The following PDE4B variants were observed in gnomAD, a reference collection of about 807,000 sequenced individuals.
PDE4B encodes the protein 3',5'-cyclic-AMP phosphodiesterase 4B.
A neutral mutation model predicts 82.2 loss-of-function variants in PDE4B; 20 were observed. The observed-to-expected ratio is 0.24, with a 90% CI of 0.17 to 0.35. PDE4B has a LOEUF of 0.35. Among genes scored for constraint, PDE4B ranks in the 10% least tolerant of loss-of-function variants. The pLI is 1.00. For missense variants in PDE4B, 655 were observed against 907.2 expected (o/e 0.72, Z 3.57); for synonymous variants, 320 against 318.9 (o/e 1.00, Z -0.04).
intron 3 of PDE4B, among the ~76,000 whole-genome samples, chr1:65,930,156 G>T (rs1029817312): frequency 1.7e-4 from 26 of 152,132 alleles, no homozygotes; most frequent in African/African-American, 5.6e-4. Context: ...GATATAGGCT[G>T]GGAGACTAGG....
At chr1:66,270,575 A>G in intron 7 of PDE4B, among the ~76,000 whole-genome samples, 1 of 152,212 alleles carries the variant, frequency 6.6e-6, no homozygotes. Flanking sequence ...CTCTCTGAGA[A>G]CCACAGCAAT....
At chr1:66,096,049 C>G (rs1645107312) in intron 3 of PDE4B, among the ~76,000 whole-genome samples, 1 of 151,712 alleles carries the variant, frequency 6.6e-6, no homozygotes, top group Admixed American at 6.6e-5. Flanking sequence ...CTCCTTCTAG[C>G]TATTTGAAAC....
chr1:66,211,037 A>G (rs1650006151), intron 3 of PDE4B, among the ~76,000 whole-genome samples: 1 of 152,218 alleles, frequency 6.6e-6, no homozygotes, highest in South Asian at 2.1e-4. Flanking sequence ...TAATTATGAC[A>G]TCAGGGCTTG....
At chr1:65,975,417 G>T (rs1650354610) in intron 3 of PDE4B, among the ~76,000 whole-genome samples, 1 of 152,236 alleles carries the variant, frequency 6.6e-6, no homozygotes, top group Non-Finnish European at 1.5e-5. Flanking sequence ...AAGGGAAGTA[G>T]AGTGTAAAAG....
Position 65,877,394 on chromosome 1 carries a change from T to A in PDE4B, c.-70-35851T>A, listed in dbSNP as rs549833390. 3.3e-5 allele frequency among the ~76,000 whole-genome samples: 5 copies of A among 152,160 alleles called. No homozygotes were observed. In the South Asian group the frequency reaches 1.0e-3, roughly 32 times the overall value. On this transcript the variant is annotated intron_variant, in intron 1 of 16. Coordinates refer to ENST00000341517, the MANE Select transcript of PDE4B (RefSeq NM_002600.4). ...ACTTTGGGAGGCTGAGATGGGCGGATCATGAGGTCAGGAGATTGAGACCAT... is the reference window on the plus strand; with the variant it reads ...ACTTTGGGAGGCTGAGATGGGCGGAACATGAGGTCAGGAGATTGAGACCAT...
At chr1:66,311,887 T>G (rs1312582296) in intron 7 of PDE4B, among the ~76,000 whole-genome samples, 1 of 152,222 alleles carries the variant, frequency 6.6e-6, no homozygotes, top group African/African-American at 2.4e-5. Flanking sequence ...ACTTCCCCGC[T>G]CTGAGCACCG....
intron 3 of PDE4B, among the ~76,000 whole-genome samples, chr1:66,093,308 A>G (rs945161091): frequency 3.3e-5 from 5 of 152,050 alleles, no homozygotes; most frequent in African/African-American, 1.2e-4. Flanking sequence ...TTGTATATAC[A>G]TTATTTCATT....
At chr1:65,851,336 T>C (rs66460461) in intron 1 of PDE4B, among the ~76,000 whole-genome samples, 10,928 of 152,110 alleles carry the variant, frequency 0.072, 673 homozygotes, top group East Asian at 0.34. Context: ...ACATTTTTTC[T>C]ATATATATGT....
At chr1:65,841,310 G>GGAAA (rs1646204322) in intron 1 of PDE4B, among the ~76,000 whole-genome samples, 1 of 136,076 alleles carries the variant, frequency 7.3e-6, no homozygotes, top group Admixed American at 7.7e-5. Context: ...CTTCAAAGAA[G>GGAAA]GAAAGAAAAA....
intron 8 of PDE4B, among the ~76,000 whole-genome samples, chr1:66,350,545 A>G (rs1050654270): frequency 1.3e-5 from 2 of 152,148 alleles, no homozygotes; most frequent in African/African-American, 4.8e-5. Context: ...GGCCTAAATT[A>G]GTCTTAGAAG....
intron 3 of PDE4B, among the ~76,000 whole-genome samples, chr1:66,226,878 GA>G (rs564697236): frequency 2.6e-4 from 40 of 152,202 alleles, no homozygotes; most frequent in African/African-American, 9.6e-4. Context: ...AATGACTGTT[GA>G]AAAAAATCCT....
At chr1:66,368,679 TA>T in intron 15 of PDE4B, 107 bp from the exon 16 acceptor site, 2 of 781,198 alleles carry the variant, frequency 2.6e-6, no homozygotes, top group African/African-American at 1.8e-5. Context: ...ATAATGCAAC[TA>T]AAATGTTCTC....
chr1:66,119,596 C>G (rs1182990080), intron 3 of PDE4B, among the ~76,000 whole-genome samples: 1 of 152,182 alleles, frequency 6.6e-6, no homozygotes, highest in Non-Finnish European at 1.5e-5. Context: ...ATTCCCAGTT[C>G]TGTTTTCTGG....
chr1:66,367,872 A>G lies in PDE4B; in HGVS notation c.1539+22A>G, dbSNP rs930505593. ...CATGGTAAGACTTTAGCCTCTCTAC[A>G]TTCCTCACTTACTGCCATTCTCTCT... On this transcript the variant is annotated intron_variant, in intron 14 of 16. Transcript: ENST00000341517. 4.3e-6 allele frequency: 7 copies of G among 1,612,802 alleles called. No homozygotes were observed. The African/African-American group carries it at 8.0e-5, about 18-fold the overall frequency.
At chr1:65,924,094 A>ATTTTTTTTTTTTTTTT (rs1647362470) in intron 3 of PDE4B, among the ~76,000 whole-genome samples, 1 of 1,562 alleles carries the variant, frequency 6.4e-4, no homozygotes. Flanking sequence ...TTTTTTTTTG[A>ATTTTTTTTTTTTTTTT]GACGGAGTCT....
intron 7 of PDE4B, among the ~76,000 whole-genome samples, chr1:66,317,706 G>A (rs1659124022): frequency 6.6e-6 from 1 of 152,102 alleles, no homozygotes; most frequent in Non-Finnish European, 1.5e-5. Flanking sequence ...AGACCGGCCT[G>A]AGCAACACAG....
At chr1:66,024,026 G>A (rs549939512) in intron 3 of PDE4B, among the ~76,000 whole-genome samples, 2 of 151,890 alleles carry the variant, frequency 1.3e-5, no homozygotes, top group African/African-American at 4.8e-5. Flanking sequence ...TGTTTCAGGC[G>A]GTTTATTTTT....
intron 2 of PDE4B, among the ~76,000 whole-genome samples, chr1:65,917,612 T>C (rs1325120044): frequency 6.6e-6 from 1 of 152,214 alleles, no homozygotes; most frequent in Non-Finnish European, 1.5e-5. Flanking sequence ...CCAAAAGATA[T>C]GGGAAGAATA....
At chr1:65,965,802 G>A (rs2100609479) in intron 3 of PDE4B, among the ~76,000 whole-genome samples, 1 of 152,150 alleles carries the variant, frequency 6.6e-6, no homozygotes, top group South Asian at 2.1e-4. Context: ...AAAATCACGT[G>A]ATTATCTCAA....
Sources: allele counts gnomAD v4.1 joint callset (sites outside exome capture counted in the v4.1 genomes callset), GRCh38; gene constraint gnomAD v4.1.1; transcripts MANE v1.5; gene names NCBI Gene and HGNC (gene_info 2026-07-23, HGNC 2026-07-21).